The following CREBZF variants were observed in gnomAD, a reference collection of about 807,000 sequenced individuals.
CREBZF encodes HCF-binding transcription factor Zhangfei.
Under a neutral mutation model 21.1 loss-of-function variants are expected in CREBZF, and 8 were observed. The observed-to-expected ratio is 0.38, with a 90% confidence interval of 0.22 to 0.68. CREBZF has a LOEUF of 0.68. Ranked by LOEUF, CREBZF falls within the 30% of genes least tolerant of loss-of-function variation. The pLI, the probability that CREBZF is intolerant of heterozygous loss-of-function variation, is 0.51. For synonymous variants in CREBZF, 270 were observed against 223.3 expected, an observed-to-expected ratio of 1.21 and a Z score of -1.86; for missense variants, 518 against 484.3, an observed-to-expected ratio of 1.07 and a Z score of -0.65.
rs1289579359 is a variant in CREBZF at position 85,680,291 on chromosome 11, T to A, written n.147+2426A>T. On this transcript the variant is annotated intron_variant and non_coding_transcript_variant, in intron 1 of 3. Coordinates refer to the CREBZF transcript ENST00000531515. ...TTTACAGTTGCACTGTGTTCCAAAG[T>A]GTGAACCTGTTCCCTATTGATGGTA... 2.0e-5 allele frequency among the ~76,000 whole-genome samples: 3 copies of A among 152,254 alleles called. No homozygotes were observed. In the East Asian group the frequency reaches 5.8e-4, roughly 29 times the overall value.
At chr11:85,678,999 G>A (rs918496800) in intron 1 of CREBZF, among the ~76,000 whole-genome samples, 1 of 152,216 alleles carries the variant, frequency 6.6e-6, no homozygotes, top group Non-Finnish European at 1.5e-5. Context: ...CTTCTGGAAA[G>A]GACTAAGGTA....
chr11:85,664,573 A>G lies in CREBZF; in HGVS notation c.303T>C (p.Phe101=). 1.2e-6 allele frequency: 2 copies of G among 1,613,846 alleles called. No homozygotes were observed. Among genetic ancestry groups the G allele is most frequent in the Non-Finnish European group, 1.7e-6 (2 of 1,179,956 alleles). The change falls in exon 1 of 1, where the codon TTT becomes TTC. Residue 101 remains phenylalanine, a synonymous_variant. Transcript: ENST00000527447. This position sits in a 1 kb window ranked among gnomAD's most constrained non-coding sequence, Gnocchi z 5.5. ...GATCCGCCAGTTCCAGCCCAGACAG[A>G]AAGTCCATATCCTCCGTCTCTTCCC... The part of the protein sequence containing the change: ...LPGEETEDMD[F]LSGLELADLL...
In CREBZF at chr11:85,665,042, CAAGGCGCGGGGAGG is replaced by C. The variant is rs2082833196; in HGVS notation, c.-181_-168del. ...CACTTGGCTAGTCGACCCCCCGCGC[CAAGGCGCGGGGAGG>C]GACGGGAGAACGAAGCGGTGAGGCC... is the stretch of plus-strand genomic sequence containing the variant. On this transcript the variant is annotated 5_prime_UTR_variant, in exon 1 of 1. Coordinates refer to ENST00000527447, the MANE Select transcript of CREBZF (RefSeq NM_001039618.4). 4 of 464,458 alleles carry C rather than the reference CAAGGCGCGGGGAGG, an allele frequency of 8.6e-6. No homozygotes were observed. The highest frequency in any genetic ancestry group is 8.3e-5 in the South Asian group (1 of 12,080). 28.8% of individuals were successfully genotyped at this position (464,458 alleles called of 1,614,324 possible).
rs2082567644 is a variant in CREBZF at position 85,658,076 on chromosome 11, T to C, written c.*5735A>G. On this transcript the variant is annotated 3_prime_UTR_variant, in exon 1 of 1. Transcript: ENST00000527447. ...CTGATCCCAAATCATCCATTTTACC[T>C]ATATTCTGTCACTTTTACTAAAAGC... Among the ~76,000 whole-genome samples the C allele has an allele frequency of 6.6e-6, 1 of 152,012 alleles. No individual in the cohort carries two copies. The highest frequency in any genetic ancestry group is 2.4e-5 in the African/African-American group (1 of 41,440).
chr11:85,663,794 G>A lies in CREBZF; in HGVS notation c.*17C>T, dbSNP rs368743578. ...GTTGAAAGGGGTAAACGCGGATAAA[G>A]AGCAGATTACTTGACCCTACATTTT... On this transcript the variant is annotated 3_prime_UTR_variant, in exon 1 of 1. Transcript: ENST00000527447. The A allele has an allele frequency of 3.8e-6, 6 of 1,586,218 alleles. No individual in the cohort carries two copies. In the South Asian group the frequency reaches 6.9e-5, roughly 18 times the overall value.
rs530426342 is a variant in CREBZF at position 85,678,983 on chromosome 11, C to T, written n.147+3734G>A. 2.6e-5 allele frequency among the ~76,000 whole-genome samples: 4 copies of T among 152,288 alleles called. No individual in the cohort carries two copies. In the East Asian group the frequency reaches 7.7e-4, roughly 29 times the overall value. Reference sequence around the variant, plus strand: ...GAAGGATTGAGTAAGATTATGAAGGCTCAGACTTCTGGAAAGGACTAAGGT... The same window carrying T: ...GAAGGATTGAGTAAGATTATGAAGGTTCAGACTTCTGGAAAGGACTAAGGT... On this transcript the variant is annotated intron_variant and non_coding_transcript_variant, in intron 1 of 3. Transcript: ENST00000531515.
chr11:85,663,994 C>G lies in CREBZF; in HGVS notation c.882G>C (p.Ser294=). The G allele has an allele frequency of 6.2e-7, 1 of 1,612,962 alleles. No homozygotes were observed. ...LSGVGLRLTT[S]LFRDSPAGDH... ...CACCGGCGGGCGAGTCTCTGAAGAG[C>G]GAGGTGGTCAGCCGCAGTCCCACGC... is the stretch of plus-strand genomic sequence containing the variant. Residue 294 remains serine, a synonymous_variant, in exon 1 of 1, where the codon TCG becomes TCC. Coordinates refer to ENST00000527447, the MANE Select transcript of CREBZF (RefSeq NM_001039618.4).
intron 1 of CREBZF, among the ~76,000 whole-genome samples, chr11:85,670,475 T>C (rs1452563165): frequency 6.6e-6 from 1 of 151,508 alleles, no homozygotes; most frequent in Non-Finnish European, 1.5e-5. Context: ...AACTAATTTT[T>C]TGTAAATTAG....
Position 85,659,721 on chromosome 11 carries a change from T to G in CREBZF, c.*4090A>C, listed in dbSNP as rs994407245. 7.2e-5 allele frequency: 11 copies of G among 152,012 alleles called. No homozygotes were observed. Among genetic ancestry groups the G allele is most frequent in the Non-Finnish European group, 1.2e-4 (8 of 67,932 alleles). The allele number at this position is 152,012 out of a possible 1,614,324, so 9.4% of individuals were successfully genotyped here. A position where few individuals can be genotyped will look rare whatever the true frequency, so the allele number is the denominator to read the frequency against. ...AACAATCCAGAGTTTTGAGTGTTTT[T>G]TCACACTTGTAATAAACTGAAAAAA... On this transcript the variant is annotated 3_prime_UTR_variant, in exon 1 of 1. Coordinates refer to ENST00000527447, the MANE Select transcript of CREBZF (RefSeq NM_001039618.4).
chr11:85,678,991 T>G (rs2082959269), intron 1 of CREBZF, among the ~76,000 whole-genome samples: 1 of 152,164 alleles, frequency 6.6e-6, no homozygotes, highest in South Asian at 2.1e-4. Context: ...GGCTCAGACT[T>G]CTGGAAAGGA....
chr11:85,661,960 T>TTACA lies in CREBZF; in HGVS notation c.*1850_*1851insTGTA, dbSNP rs2082694721. 1 of 145,776 alleles carries TTACA rather than the reference T, an allele frequency of 6.9e-6. No individual in the cohort carries two copies. The highest frequency in any genetic ancestry group is 2.1e-4 in the South Asian group (1 of 4,704). The allele number at this position is 145,776 out of a possible 1,614,324, so 9.0% of individuals were successfully genotyped here. A position where few individuals can be genotyped will look rare whatever the true frequency, so the allele number is the denominator to read the frequency against. The stretch of plus-strand genomic sequence containing the variant: ...AATAATCTTTCCAACTACTTTTGGT[T>TTACA]TATATATATATATATATATGTATAT... On this transcript the variant is annotated 3_prime_UTR_variant, in exon 1 of 1. Coordinates refer to ENST00000527447, the MANE Select transcript of CREBZF (RefSeq NM_001039618.4).
chr11:85,667,511 G>A (rs1047489392), upstream of CREBZF, among the ~76,000 whole-genome samples: 1 of 152,174 alleles, frequency 6.6e-6, no homozygotes, highest in African/African-American at 2.4e-5. Context: ...GAAGATGTTT[G>A]TCTTTTTTCT....
chr11:85,672,002 C>T lies in CREBZF; in HGVS notation n.148-8401G>A, dbSNP rs1379362174. On this transcript the variant is annotated intron_variant and non_coding_transcript_variant, in intron 1 of 3. Transcript: ENST00000531515. Reference sequence around the variant, plus strand: ...CCCTAGCAGAGGTTCTCCATGGGAGCCCCGCTCCTGCAGCAAACTTATGCC... The same window carrying T: ...CCCTAGCAGAGGTTCTCCATGGGAGTCCCGCTCCTGCAGCAAACTTATGCC... Among the ~76,000 whole-genome samples the T allele has an allele frequency of 2.6e-5, 4 of 152,380 alleles. No individual in the cohort carries two copies. In the East Asian group the frequency reaches 7.7e-4, roughly 29 times the overall value.
chr11:85,663,423 G>GAA lies in CREBZF; in HGVS notation c.*386_*387dup, dbSNP rs71274435. 875 of 584,880 alleles carry GAA rather than the reference G, an allele frequency of 1.5e-3. No homozygotes were observed. The highest frequency in any genetic ancestry group is 1.8e-3 in the Non-Finnish European group (594 of 331,238). 36.2% of individuals were successfully genotyped at this position (584,880 alleles called of 1,614,324 possible). On this transcript the variant is annotated 3_prime_UTR_variant, in exon 1 of 1. Coordinates refer to ENST00000527447, the MANE Select transcript of CREBZF (RefSeq NM_001039618.4). Reference sequence around the variant, plus strand: ...GATTTCCCTCCCACCTTCCAAAACAGAAAAAAAAAAAAAAATCACACACAC... The same window carrying GAA: ...GATTTCCCTCCCACCTTCCAAAACAGAAAAAAAAAAAAAAAAATCACACACAC...
chr11:85,673,292 G>A (rs1591490463), intron 1 of CREBZF, among the ~76,000 whole-genome samples: 1 of 152,288 alleles, frequency 6.6e-6, no homozygotes, highest in East Asian at 1.9e-4. Context: ...AGTAGATATA[G>A]TAGAATGATA....
intron 1 of CREBZF, among the ~76,000 whole-genome samples, chr11:85,677,954 T>G (rs952663622): frequency 1.3e-5 from 2 of 152,224 alleles, no homozygotes; most frequent in Non-Finnish European, 2.9e-5. Context: ...AGCCAATATG[T>G]TTTCCTGAAA....
chr11:85,661,873 TTC>T lies in CREBZF; in HGVS notation c.*1936_*1937del, dbSNP rs1024419992. 36 of 152,070 alleles carry T rather than the reference TTC, an allele frequency of 2.4e-4. No individual in the cohort carries two copies. The highest frequency in any genetic ancestry group is 8.2e-4 in the African/African-American group (34 of 41,424). The allele number at this position is 152,070 out of a possible 1,614,324, so 9.4% of individuals were successfully genotyped here. ...TATTAGTTAAATTTCAATTCAAGGC[TTC>T]TGTTTCAAAAAAGCTACATTTAACA... On this transcript the variant is annotated 3_prime_UTR_variant, in exon 1 of 1. Coordinates refer to ENST00000527447, the MANE Select transcript of CREBZF (RefSeq NM_001039618.4).
intron 1 of CREBZF, among the ~76,000 whole-genome samples, chr11:85,679,872 T>G (rs1395313195): frequency 5.9e-5 from 9 of 152,358 alleles, no homozygotes; most frequent in Admixed American, 5.9e-4. Flanking sequence ...TTGAATTGCC[T>G]AAACAGAAAT....
rs144470115 is a variant in CREBZF at position 85,675,715 on chromosome 11, G to A, written n.147+7002C>T. On this transcript the variant is annotated intron_variant and non_coding_transcript_variant, in intron 1 of 3. Transcript: ENST00000531515. Reference sequence around the variant, plus strand: ...TCGATTTGTAAAAAATGCCATATACGTGAAGCAGAAGAAAGTGAAATGCAA... The same window carrying A: ...TCGATTTGTAAAAAATGCCATATACATGAAGCAGAAGAAAGTGAAATGCAA... Among the ~76,000 whole-genome samples the A allele has an allele frequency of 2.9e-3, 439 of 152,226 alleles. 1 individual carries two copies. Among genetic ancestry groups the A allele is most frequent in the African/African-American group, 0.01 (426 of 41,514 alleles).
Sources: allele counts gnomAD v4.1 joint callset (sites outside exome capture counted in the v4.1 genomes callset), GRCh38; gene constraint gnomAD v4.1.1; non-coding constraint Gnocchi (gnomAD v3.1); transcripts MANE v1.5; gene names NCBI Gene and HGNC (gene_info 2026-07-23, HGNC 2026-07-21).